The following PAPPA2 variants were observed in gnomAD, a reference collection of about 807,000 sequenced individuals.
The protein encoded by PAPPA2 is pappalysin-2.
Under a neutral mutation model 176.4 loss-of-function variants are expected in PAPPA2, and 86 were observed. The observed-to-expected ratio is 0.49, with a 90% confidence interval of 0.41 to 0.58. The LOEUF (loss-of-function observed/expected upper bound fraction) is 0.58. Ranked by LOEUF, PAPPA2 falls within the 20% of genes least tolerant of loss-of-function variation. The pLI is 0.00. For synonymous variants in PAPPA2, 809 were observed against 852.2 expected (o/e 0.95, Z 0.88); for missense variants, 2,073 against 2,256.9 (o/e 0.92, Z 1.65).
chr1:176,718,306 T>A (rs577549928), intron 12 of PAPPA2, among the ~76,000 whole-genome samples: 1 of 152,248 alleles, frequency 6.6e-6, no homozygotes, highest in East Asian at 1.9e-4. Flanking sequence ...AATTTGTGGC[T>A]TGTCTCTTTT....
At chr1:176,673,490 G>A (rs189376872) in intron 4 of PAPPA2, among the ~76,000 whole-genome samples, 1 of 152,172 alleles carries the variant, frequency 6.6e-6, no homozygotes, top group Non-Finnish European at 1.5e-5. Context: ...TGATAGCAAG[G>A]TTTACCCAGC....
chr1:176,602,431 G>A (rs768432206), intron 3 of PAPPA2, among the ~76,000 whole-genome samples: 1 of 152,172 alleles, frequency 6.6e-6, no homozygotes, highest in East Asian at 1.9e-4. Context: ...TGGCATCAAA[G>A]GGAACAGGTG....
chr1:176,714,152 G>GA lies in PAPPA2; in HGVS notation c.3798+2180dup, dbSNP rs553232600. On this transcript the variant is annotated intron_variant, in intron 12 of 22. Transcript: ENST00000367662. The stretch of plus-strand genomic sequence containing the variant: ...TTGACAAAAAGGGAAAACGTAAACT[G>GA]AAAAAAAAATCCATGGCCCCTCTAC... 2.2e-3 allele frequency among the ~76,000 whole-genome samples: 338 copies of GA among 150,518 alleles called. 2 individuals carry two copies. The highest frequency in any genetic ancestry group is 7.2e-3 in the South Asian group (34 of 4,744).
At chr1:176,465,588 T>A (rs189244581) in intron 1 of PAPPA2, among the ~76,000 whole-genome samples, 1 of 152,268 alleles carries the variant, frequency 6.6e-6, no homozygotes, top group East Asian at 1.9e-4. Context: ...TTACCTTTTT[T>A]ATTGTTTCTT....
intron 1 of PAPPA2, among the ~76,000 whole-genome samples, chr1:176,510,096 T>G (rs963788113): frequency 1.3e-5 from 2 of 152,086 alleles, no homozygotes; most frequent in Non-Finnish European, 2.9e-5. Context: ...GCTGAAATTT[T>G]TCAAATTTGA....
Position 176,670,975 on chromosome 1 carries a change from A to G in PAPPA2, c.1997A>G (p.Tyr666Cys). ...TCATCTTGCATGCTCTCTAGGGCAT[A>G]CATGAGTGTGAAGGAGCTGAAGGAG... ...CFDPDSPKRA[Y>C]MSVKELKEAL... Residue 666 changes from tyrosine to cysteine, a missense_variant, in exon 4 of 23, where the codon TAC becomes TGC. By Grantham distance (194) the Tyr-to-Cys change is radical (BLOSUM62 -2). Transcript: ENST00000367662. 6.2e-7 allele frequency: 1 copy of G among 1,613,854 alleles called. No homozygotes were observed. Among genetic ancestry groups the G allele is most frequent in the Non-Finnish European group, 8.5e-7 (1 of 1,179,816 alleles).
At chr1:176,789,712 C>T (rs913165671) in intron 17 of PAPPA2, 97 bp from the exon 18 acceptor site, 3 of 1,362,948 alleles carry the variant, frequency 2.2e-6, no homozygotes, top group East Asian at 2.5e-5. Context: ...CTGTCCCTGC[C>T]TATTTGCTAA....
chr1:176,753,964 G>C (rs552338431), intron 14 of PAPPA2, among the ~76,000 whole-genome samples: 1 of 150,622 alleles, frequency 6.6e-6, no homozygotes, highest in South Asian at 2.1e-4. Flanking sequence ...ATGGCTGGCT[G>C]TATGACAAGT....
In PAPPA2 at chr1:176,842,564, G is replaced by T. The variant is rs926573151; in HGVS notation, c.*110G>T. The T allele has an allele frequency of 2.0e-6, 2 of 1,010,958 alleles. No individual in the cohort carries two copies. The highest frequency in any genetic ancestry group is 3.0e-6 in the Non-Finnish European group (2 of 665,442). The allele number at this position is 1,010,958 out of a possible 1,614,324, so 62.6% of individuals were successfully genotyped here. On this transcript the variant is annotated 3_prime_UTR_variant, in exon 23 of 23. Coordinates refer to ENST00000367662, the MANE Select transcript of PAPPA2 (RefSeq NM_020318.3). ...GAAGAACAATCATGAAATGGAAGAA[G>T]GAGGAAGAGCATGAAGGATCTTATA...
intron 14 of PAPPA2, among the ~76,000 whole-genome samples, chr1:176,753,554 CTTTTTTTTTTT>C (rs77817405): frequency 4.1e-5 from 3 of 73,512 alleles, no homozygotes; most frequent in South Asian, 4.8e-4. Flanking sequence ...AAGGCTCCTC[CTTTTTTTTTTT>C]TTTTTTTTTT....
chr1:176,661,024 T>C (rs1464979325), intron 3 of PAPPA2, among the ~76,000 whole-genome samples: 1 of 152,112 alleles, frequency 6.6e-6, no homozygotes, highest in Non-Finnish European at 1.5e-5. Flanking sequence ...ACAGGTCTTT[T>C]TGGGGTCTTA....
rs761442174 is a variant in PAPPA2 at position 176,765,700 on chromosome 1, T to C, written c.4186T>C (p.Cys1396Arg). The change falls in exon 15 of 23, where the codon TGT becomes CGT. Residue 1396 changes from cysteine to arginine, a missense_variant. This residue lies in a region of PAPPA2 where 846 missense variants were observed against 857.9 expected (regional missense o/e 0.99). Transcript: ENST00000367662. ...IHRPCGKQDS[C>R]PSLLLDHADV... Reference sequence around the variant, plus strand: ...TCGGCCCTGTGGGAAGCAGGACAGCTGTCCGTCATTGCTGCTTGATCATGC... The same window carrying C: ...TCGGCCCTGTGGGAAGCAGGACAGCCGTCCGTCATTGCTGCTTGATCATGC... 8 of 1,614,120 alleles carry C rather than the reference T, an allele frequency of 5.0e-6. No homozygotes were observed. In the Middle Eastern group the frequency reaches 4.9e-4, roughly 100 times the overall value.
At chr1:176,486,271 G>C (rs191390938) in intron 1 of PAPPA2, among the ~76,000 whole-genome samples, 1 of 152,128 alleles carries the variant, frequency 6.6e-6, no homozygotes, top group Non-Finnish European at 1.5e-5. Context: ...GGCATATCTC[G>C]ATCTCCTTCA....
At chr1:176,645,529 T>G (rs545942878) in intron 3 of PAPPA2, among the ~76,000 whole-genome samples, 4 of 151,988 alleles carry the variant, frequency 2.6e-5, no homozygotes, top group African/African-American at 9.6e-5. Context: ...TTTTAGCTAT[T>G]GTAAATACTG....
intron 21 of PAPPA2, among the ~76,000 whole-genome samples, chr1:176,807,304 G>T (rs1665946420): frequency 6.6e-6 from 1 of 152,082 alleles, no homozygotes; most frequent in South Asian, 2.1e-4. Context: ...GAGCTGGGCT[G>T]GAGAGAGAGT....
chr1:176,574,380 A>G (rs1652525972), intron 2 of PAPPA2, among the ~76,000 whole-genome samples: 1 of 152,130 alleles, frequency 6.6e-6, no homozygotes, highest in Non-Finnish European at 1.5e-5. Context: ...GGATTTCTCT[A>G]TGTTGCTGGA....
chr1:176,512,764 G>A (rs1204799493), intron 1 of PAPPA2, among the ~76,000 whole-genome samples: 2 of 152,046 alleles, frequency 1.3e-5, no homozygotes, highest in African/African-American at 4.8e-5. Flanking sequence ...GAAAATCATT[G>A]TTCAATAAAA....
At chr1:176,643,569 G>A (rs1345800597) in intron 3 of PAPPA2, among the ~76,000 whole-genome samples, 1 of 151,726 alleles carries the variant, frequency 6.6e-6, no homozygotes, top group Non-Finnish European at 1.5e-5. Context: ...ATACACAGAG[G>A]CCTTTCAGAA....
At chr1:176,724,540 C>T (rs908091194) in intron 12 of PAPPA2, among the ~76,000 whole-genome samples, 2 of 152,162 alleles carry the variant, frequency 1.3e-5, no homozygotes, top group Admixed American at 1.3e-4. Context: ...TCAGGCTGGA[C>T]TGGTTAGCAA....
Sources: allele counts gnomAD v4.1 joint callset (sites outside exome capture counted in the v4.1 genomes callset), GRCh38; gene constraint gnomAD v4.1.1; regional missense constraint gnomAD v4.1.1; transcripts MANE v1.5; gene names NCBI Gene and HGNC (gene_info 2026-07-23, HGNC 2026-07-21).